Variants in WRN observed in about 807,000 individuals in gnomAD.
The protein encoded by WRN is WRN RecQ like helicase.
Under a neutral mutation model 180.7 loss-of-function variants are expected in WRN, and 149 were observed. That is an observed-to-expected ratio of 0.82 (90% CI 0.72 to 0.94). The LOEUF is 0.94. Ranked by LOEUF, WRN falls within the 40% of genes least tolerant of loss-of-function variation. WRN has a pLI of 0.00. For synonymous variants in WRN, 548 were observed against 568.9 expected, an observed-to-expected ratio of 0.96 and a Z score of 0.52; for missense variants, 1,661 against 1,700.1, an observed-to-expected ratio of 0.98 and a Z score of 0.40.
intron 33 of WRN, among the ~76,000 whole-genome samples, chr8:31,160,773 C>G (rs918684944): frequency 5.9e-5 from 9 of 152,088 alleles, no homozygotes; most frequent in Admixed American, 3.3e-4. Context: ...TCACTGAGGT[C>G]AGGTGTTGGA....
chr8:31,100,990 A>G (rs780943935), intron 18 of WRN, 35 bp downstream of exon 18: 9 of 1,559,380 alleles, frequency 5.8e-6, no homozygotes, highest in South Asian at 3.4e-5. Flanking sequence ...CCGAAATTAC[A>G]TTCTTAATAA....
chr8:31,127,452 T>C (rs548253582), intron 23 of WRN, among the ~76,000 whole-genome samples: 5 of 152,156 alleles, frequency 3.3e-5, no homozygotes, highest in Admixed American at 6.5e-5. Context: ...ATTTACCTGG[T>C]GGGTTAGCTA....
chr8:31,081,217 T>C lies in WRN; in HGVS notation c.1190T>C (p.Ile397Thr), dbSNP rs2130120985. Residue 397 changes from isoleucine to threonine, a missense_variant, in exon 9 of 35, where the codon ATT becomes ACT. Physicochemically the swap from Ile to Thr is moderately conservative, Grantham distance 89 (BLOSUM62 -1). Around this residue, in one of 3 missense-constraint regions of WRN, gnomAD observed 500 missense variants for 504.1 expected, o/e 0.99. Transcript: ENST00000298139. ...MERACLMSLD[I>T]TEHELQILEQ... ...AGAGCTTGTTTGATGTCGTTAGATA[T>C]TACAGAACATGAACTCCAAATTTTG... 3 of 1,613,444 alleles carry C rather than the reference T, an allele frequency of 1.9e-6. No individual in the cohort carries two copies. Among genetic ancestry groups the C allele is most frequent in the South Asian group, 1.1e-5 (1 of 91,016 alleles).
At chr8:31,049,511 CA>C (rs754805498) in intron 1 of WRN, among the ~76,000 whole-genome samples, 2,823 of 78,736 alleles carry the variant, frequency 0.036, 53 homozygotes, top group African/African-American at 0.11. Flanking sequence ...GACTCTGTCT[CA>C]AAAAAAAAAA....
chr8:31,159,611 A>G (rs1349924908), intron 33 of WRN, among the ~76,000 whole-genome samples: 1 of 152,074 alleles, frequency 6.6e-6, no homozygotes, highest in Non-Finnish European at 1.5e-5. Flanking sequence ...CATAAGCACA[A>G]TAAATCCCTC....
At chr8:31,143,767 C>A in intron 28 of WRN, 144 bp downstream of exon 28, 2 of 592,024 alleles carry the variant, frequency 3.4e-6, no homozygotes, top group African/African-American at 1.9e-5. Context: ...TTAGAATGAT[C>A]AAAGTGAGCT....
intron 20 of WRN, among the ~76,000 whole-genome samples, chr8:31,119,650 T>C (rs889207755): frequency 1.3e-5 from 2 of 152,004 alleles, no homozygotes; most frequent in African/African-American, 4.8e-5. Flanking sequence ...ATATTATGGC[T>C]ATTTTTCTTT....
In WRN at chr8:31,125,971, AATATATAT is replaced by A. The variant is rs55952524; in HGVS notation, c.2825+992_2825+999del. ...TCACAACCAAGAAGACATCATCCTA[AATATATAT>A]ATATATATATATATATATATCTACT... On this transcript the variant is annotated intron_variant, in intron 23 of 34. Transcript: ENST00000298139. 1.4e-3 allele frequency among the ~76,000 whole-genome samples: 202 copies of A among 145,624 alleles called. 6 individuals carry two copies. Among genetic ancestry groups the A allele is most frequent in the African/African-American group, 4.3e-3 (166 of 38,690 alleles).
rs753592904 is a variant in WRN, at chr8:31,147,101, T to G, written c.3432T>G (p.Val1144=). 6 of 1,613,954 alleles carry G rather than the reference T, an allele frequency of 3.7e-6. No homozygotes were observed. Among genetic ancestry groups the G allele is most frequent in the Non-Finnish European group, 3.4e-6 (4 of 1,179,868 alleles). ...PEKAYSSSQP[V]ISAQEQETQI... Reference sequence around the variant, plus strand: ...AAGCTTACAGTTCCTCACAGCCTGTTATTTCGGCACAAGAGCAGGAGACTC... The same window carrying G: ...AAGCTTACAGTTCCTCACAGCCTGTGATTTCGGCACAAGAGCAGGAGACTC... Residue 1144 remains valine (V), a synonymous_variant, in exon 29 of 35, where the codon GTT becomes GTG. Transcript: ENST00000298139.
intron 1 of WRN, among the ~76,000 whole-genome samples, chr8:31,039,807 A>G (rs148065118): frequency 6.6e-6 from 1 of 152,150 alleles, no homozygotes; most frequent in South Asian, 2.1e-4. Flanking sequence ...TGAAATGATC[A>G]TGTATTTTTC....
intron 7 of WRN, among the ~76,000 whole-genome samples, chr8:31,071,069 C>G (rs557304761): frequency 6.7e-6 from 1 of 148,790 alleles, no homozygotes; most frequent in Non-Finnish European, 1.5e-5. Context: ...AAAAAGTTAG[C>G]TAGCTGAAGA....
intron 8 of WRN, 91 bp from the exon 9 acceptor site, chr8:31,080,776 A>T: frequency 9.3e-7 from 1 of 1,078,916 alleles, no homozygotes; most frequent in Non-Finnish European, 1.3e-6. Flanking sequence ...AGGTCAGCTT[A>T]GAAAGCTTTT....
intron 22 of WRN, 81 bp downstream of exon 22, chr8:31,124,704 T>A: frequency 7.1e-7 from 1 of 1,399,602 alleles, no homozygotes; most frequent in Non-Finnish European, 1.0e-6. Flanking sequence ...TAAATAATTA[T>A]CAGTATTTTG....
chr8:31,055,144 T>C (rs528043857), intron 1 of WRN, among the ~76,000 whole-genome samples: 1 of 152,352 alleles, frequency 6.6e-6, no homozygotes, highest in Admixed American at 6.5e-5. Context: ...TTTTTTTCCA[T>C]GTCTTTGCTA....
intron 18 of WRN, among the ~76,000 whole-genome samples, chr8:31,106,942 T>A (rs999852412): frequency 2.6e-5 from 4 of 152,172 alleles, no homozygotes; most frequent in African/African-American, 7.2e-5. Context: ...GTAAAGTGAC[T>A]TTCCAAAACA....
At chr8:31,122,860 G>GTTT (rs71206298) in intron 21 of WRN, among the ~76,000 whole-genome samples, 4,112 of 69,434 alleles carry the variant, frequency 0.059, 533 homozygotes, top group Middle Eastern at 0.081. Flanking sequence ...TTCTTTTCTT[G>GTTT]TTTTTTTTTT....
intron 21 of WRN, among the ~76,000 whole-genome samples, chr8:31,123,038 A>C (rs1307306726): frequency 4.0e-5 from 6 of 151,876 alleles, no homozygotes; most frequent in African/African-American, 1.4e-4. Flanking sequence ...CACGTCCAAA[A>C]TGTTAAATAG....
intron 24 of WRN, among the ~76,000 whole-genome samples, chr8:31,135,001 C>A (rs1359506690): frequency 6.6e-6 from 1 of 151,784 alleles, no homozygotes; most frequent in Non-Finnish European, 1.5e-5. Context: ...GAAAAAGCAC[C>A]CCCGTCCTCC....
intron 23 of WRN, among the ~76,000 whole-genome samples, chr8:31,130,421 ATAG>A (rs1563369521): frequency 6.6e-6 from 1 of 152,182 alleles, no homozygotes; most frequent in Non-Finnish European, 1.5e-5. Flanking sequence ...GTTGAACTCT[ATAG>A]TAGATTTTCT....
Sources: allele counts gnomAD v4.1 joint callset (sites outside exome capture counted in the v4.1 genomes callset), GRCh38; gene constraint gnomAD v4.1.1; regional missense constraint gnomAD v4.1.1; transcripts MANE v1.5; gene names NCBI Gene and HGNC (gene_info 2026-07-23, HGNC 2026-07-21).